Variants in ABHD17A observed in about 807,000 individuals in gnomAD.
The protein encoded by ABHD17A is alpha/beta hydrolase domain-containing protein 17A.
Under a neutral mutation model 26.8 loss-of-function variants are expected in ABHD17A, and 10 were observed. The ratio of observed to expected loss-of-function variants is 0.37; its 90% CI spans 0.23 to 0.63. The LOEUF is 0.63. Among genes scored for constraint, ABHD17A ranks in the 30% least tolerant of loss-of-function variants. The pLI is 0.61. For synonymous variants in ABHD17A, 167 were observed against 210.9 expected, an observed-to-expected ratio of 0.79 and a Z score of 1.80; for missense variants, 292 against 457.3, an observed-to-expected ratio of 0.64 and a Z score of 3.30.
At position 1,881,662 on chromosome 19, in the gene ABHD17A, G is replaced by A. The variant is rs568082265; in HGVS notation, c.-96C>T. 3.9e-5 allele frequency: 54 copies of A among 1,391,462 alleles called. No homozygotes were observed. The highest frequency in any genetic ancestry group is 7.6e-5 in the African/African-American group (5 of 65,366). 86.2% of individuals were successfully genotyped at this position (1,391,462 alleles called of 1,614,324 possible). A position where few individuals can be genotyped will look rare whatever the true frequency, so the allele number is the denominator to read the frequency against. ...GGGAGGGGTGGGGGTGCTCCGAGTC[G>A]CGGGCAGGGGGGAGAGCGCCCCCCC... On this transcript the variant is annotated 5_prime_UTR_variant, in exon 2 of 5. Coordinates refer to ENST00000292577, the MANE Select transcript of ABHD17A (RefSeq NM_001130111.2).
In ABHD17A at chr19:1,876,857, G is replaced by T; in HGVS notation, c.*343C>A. On this transcript the variant is annotated 3_prime_UTR_variant, in exon 5 of 5. Transcript: ENST00000292577. Reference sequence around the variant, plus strand: ...CTTCCGCAGAGTAAAACCTATAAGGGGGTCCGTGCCGATCTCTCCTAGGGA... The same window carrying T: ...CTTCCGCAGAGTAAAACCTATAAGGTGGTCCGTGCCGATCTCTCCTAGGGA... 1 of 333,634 alleles carries T rather than the reference G, an allele frequency of 3.0e-6. No individual in the cohort carries two copies. The highest frequency in any genetic ancestry group is 8.1e-5 in the East Asian group (1 of 12,278). The allele number at this position is 333,634 out of a possible 1,614,324, so 20.7% of individuals were successfully genotyped here. A position where few individuals can be genotyped will look rare whatever the true frequency, so the allele number is the denominator to read the frequency against.
At chr19:1,882,638 T>C (rs776390623) in intron 1 of ABHD17A, 1 of 151,758 alleles carries the variant, frequency 6.6e-6, no homozygotes, top group Non-Finnish European at 1.5e-5. Flanking sequence ...TGATTGAGAG[T>C]GGAAACTCGG....
At chr19:1,881,903 TG>T in intron 1 of ABHD17A, 99 bp from the exon 2 acceptor site, 1 of 276,788 alleles carries the variant, frequency 3.6e-6, no homozygotes, top group Non-Finnish European at 6.7e-6. Context: ...GGGGGCGGCA[TG>T]GGCCCGGGGC....
At position 1,879,020 on chromosome 19, in the gene ABHD17A, G is replaced by A. The variant is rs1233099131; in HGVS notation, c.527+901C>T. 3 of 152,370 alleles carry A rather than the reference G, an allele frequency of 2.0e-5. No homozygotes were observed. Among genetic ancestry groups the A allele is most frequent in the Admixed American group, 1.3e-4 (2 of 15,292 alleles). 9.4% of individuals were successfully genotyped at this position (152,370 alleles called of 1,614,324 possible). ...AGTAGAGACAGGAGGGGCCGAGGAA[G>A]TCGCATGAAGTGGTGATTGGTGTCA... On this transcript the variant is annotated intron_variant, in intron 3 of 4. Transcript: ENST00000292577. This position sits in a 1 kb window ranked among gnomAD's most constrained non-coding sequence, Gnocchi z 7.6.
Position 1,879,964 on chromosome 19 carries a change from G to A in ABHD17A, c.484C>T (p.Leu162Phe), listed in dbSNP as rs1568742396. 1.9e-6 allele frequency: 3 copies of A among 1,612,960 alleles called. No individual in the cohort carries two copies. The highest frequency in any genetic ancestry group is 2.5e-6 in the Non-Finnish European group (3 of 1,179,968). The stretch of plus-strand genomic sequence containing the variant: ...CAGGCGGCGTCGATGTCGGCATAGA[G>A]GTTCCTCTCGGAAGGCCTGCCCGAG... Reference protein sequence around the residue: ...ASSGRPSERNLYADIDAAWQA... With the variant: ...ASSGRPSERNFYADIDAAWQA... The change falls in exon 3 of 5, where the codon CTC (leucine) becomes TTC (phenylalanine). Residue 162 changes from leucine to phenylalanine, a missense_variant. Physicochemically the swap from Leu to Phe is conservative, Grantham distance 22. Transcript: ENST00000292577. The surrounding 1 kb of genome is among the most constrained non-coding windows in gnomAD (Gnocchi z 7.6).
At chr19:1,881,019 G>T (rs749518940) in intron 2 of ABHD17A, 1 of 1,611,248 alleles carries the variant, frequency 6.2e-7, no homozygotes, top group Non-Finnish European at 8.5e-7. Context: ...TGCCAGCTGG[G>T]GATGGCCTCC....
At position 1,881,618 on chromosome 19, in the gene ABHD17A, G is replaced by A. The variant is rs750151578; in HGVS notation, c.-52C>T. 6.0e-5 allele frequency: 87 copies of A among 1,445,394 alleles called. 1 individual carries two copies. Among genetic ancestry groups the A allele is most frequent in the African/African-American group, 8.9e-5 (6 of 67,568 alleles). The allele number at this position is 1,445,394 out of a possible 1,614,324, so 89.5% of individuals were successfully genotyped here. ...CACCGGGGCCCCCGCCAACAACGCC[G>A]CCCGGCCTGGCCCGGCAGGGGAGGG... On this transcript the variant is annotated 5_prime_UTR_variant, in exon 2 of 5. Transcript: ENST00000292577.
In ABHD17A at chr19:1,879,157, C is replaced by G. The variant is rs1376663586; in HGVS notation, c.527+764G>C. ...CACCAAGGCAACGACGACCCCACCT[C>G]CCTAGGGCCTCTGACTTCTCAGAGC... On this transcript the variant is annotated intron_variant, in intron 3 of 4. Coordinates refer to ENST00000292577, the MANE Select transcript of ABHD17A (RefSeq NM_001130111.2). The surrounding 1 kb of genome is among the most constrained non-coding windows in gnomAD (Gnocchi z 7.6). 3 of 152,348 alleles carry G rather than the reference C, an allele frequency of 2.0e-5. No individual in the cohort carries two copies. Among genetic ancestry groups the G allele is most frequent in the Non-Finnish European group, 4.4e-5 (3 of 68,144 alleles). 9.4% of individuals were successfully genotyped at this position (152,348 alleles called of 1,614,324 possible). A position where few individuals can be genotyped will look rare whatever the true frequency, so the allele number is the denominator to read the frequency against.
At chr19:1,881,838 G>A (rs952369848) in intron 1 of ABHD17A, 34 bp from the exon 2 acceptor site, 5 of 419,274 alleles carry the variant, frequency 1.2e-5, no homozygotes, top group African/African-American at 1.1e-4. Context: ...GGGTCCTTTG[G>A]GGGTGCCACA....
In ABHD17A at chr19:1,880,025, G is replaced by A. The variant is rs970508069; in HGVS notation, c.423C>T (p.Asn141=). ...YIGLGSRLHC[N]IFSYDYSGYG... ...AGCCGGAGTAGTCGTAGGAGAAGATGTTGCAGTGGAGGCGGGAGCCCAGGC... is the reference window on the plus strand; with the variant it reads ...AGCCGGAGTAGTCGTAGGAGAAGATATTGCAGTGGAGGCGGGAGCCCAGGC... The change falls in exon 3 of 5, where the codon AAC becomes AAT. Residue 141 remains asparagine (N), a synonymous_variant. Transcript: ENST00000292577. The surrounding 1 kb of genome is among the most constrained non-coding windows in gnomAD (Gnocchi z 4.1). 3.7e-6 allele frequency: 6 copies of A among 1,613,288 alleles called. No homozygotes were observed. Among genetic ancestry groups the A allele is most frequent in the Non-Finnish European group, 5.1e-6 (6 of 1,180,018 alleles).
In ABHD17A at chr19:1,880,180, A is replaced by G. The variant is rs2012484034; in HGVS notation, c.333-65T>C. ...CAGCGCCCAGCTGCAGGGCAGGAGG[A>G]TGCGTAGTGACAGCCCACCCCGGTG... On this transcript the variant is annotated intron_variant, in intron 2 of 4. Coordinates refer to ENST00000292577, the MANE Select transcript of ABHD17A (RefSeq NM_001130111.2). The surrounding 1 kb of genome is among the most constrained non-coding windows in gnomAD (Gnocchi z 4.1). 3 of 1,570,114 alleles carry G rather than the reference A, an allele frequency of 1.9e-6. No homozygotes were observed. In the East Asian group the frequency reaches 6.8e-5, roughly 36 times the overall value.
At chr19:1,881,166 G>A in intron 2 of ABHD17A, 69 bp downstream of exon 2, 1 of 1,590,078 alleles carries the variant, frequency 6.3e-7, no homozygotes, top group East Asian at 2.3e-5. Context: ...ACCACACCAA[G>A]CACCGCAGGC....
rs550014847 is a variant in ABHD17A at position 1,876,941 on chromosome 19, A to T, written c.*259T>A. The T allele has an allele frequency of 3.9e-6, 2 of 510,862 alleles. No homozygotes were observed. The highest frequency in any genetic ancestry group is 3.9e-5 in the African/African-American group (2 of 50,672). The allele number at this position is 510,862 out of a possible 1,614,324, so 31.6% of individuals were successfully genotyped here. On this transcript the variant is annotated 3_prime_UTR_variant, in exon 5 of 5. Transcript: ENST00000292577. Reference sequence around the variant, plus strand: ...TTCGAGCTCGCTGAGCGCTCGAGAGAGTGAGCAGAGCCATGAAAGGAAGGA... The same window carrying T: ...TTCGAGCTCGCTGAGCGCTCGAGAGTGTGAGCAGAGCCATGAAAGGAAGGA...
In ABHD17A at chr19:1,880,696, C is replaced by T. The variant is rs1003857485; in HGVS notation, c.332+539G>A. On this transcript the variant is annotated intron_variant, in intron 2 of 4. Coordinates refer to ENST00000292577, the MANE Select transcript of ABHD17A (RefSeq NM_001130111.2). This position sits in a 1 kb window ranked among gnomAD's most constrained non-coding sequence, Gnocchi z 4.1. Reference sequence around the variant, plus strand: ...CACACTCATGCAGCCCCTCCTGGCCCACCACCCTGCCCAAGCCCCAAGGCT... The same window carrying T: ...CACACTCATGCAGCCCCTCCTGGCCTACCACCCTGCCCAAGCCCCAAGGCT... Among the ~76,000 whole-genome samples, 3 of 152,202 alleles carry T rather than the reference C, an allele frequency of 2.0e-5. No individual in the cohort carries two copies. The highest frequency in any genetic ancestry group is 4.4e-5 in the Non-Finnish European group (3 of 68,040).
rs528336775 is a variant in ABHD17A at position 1,884,188 on chromosome 19, T to C, written c.-239+1164A>G. 2.5e-3 allele frequency among the ~76,000 whole-genome samples: 379 copies of C among 152,190 alleles called. 1 individual carries two copies. The highest frequency in any genetic ancestry group is 8.8e-3 in the African/African-American group (364 of 41,506). On this transcript the variant is annotated intron_variant, in intron 1 of 4. Transcript: ENST00000292577. ...CCCCACCTCCAAACCAGAAACTCTA[T>C]GAGAGCAGGACCATGACCTGCCACT...
rs2012505992 is a variant in ABHD17A at position 1,880,949 on chromosome 19, C to G, written c.332+286G>C. 1 of 1,613,056 alleles carries G rather than the reference C, an allele frequency of 6.2e-7. No homozygotes were observed. Among genetic ancestry groups the G allele is most frequent in the Non-Finnish European group, 8.5e-7 (1 of 1,179,912 alleles). On this transcript the variant is annotated intron_variant, in intron 2 of 4. Coordinates refer to ENST00000292577, the MANE Select transcript of ABHD17A (RefSeq NM_001130111.2). This position sits in a 1 kb window ranked among gnomAD's most constrained non-coding sequence, Gnocchi z 4.1. ...CCAGGGCAGCCCCTGTGCCCCAGCT[C>G]TTGCCCAGCAGGCAACCACCAGGCG... is the stretch of plus-strand genomic sequence containing the variant.
chr19:1,884,234 G>A (rs1271542096), intron 1 of ABHD17A, among the ~76,000 whole-genome samples: 1 of 152,174 alleles, frequency 6.6e-6, no homozygotes, highest in East Asian at 1.9e-4. Context: ...ATGGGCAGGT[G>A]GTAGGCAGCA....
At position 1,880,830 on chromosome 19, in the gene ABHD17A, C is replaced by G; in HGVS notation, c.332+405G>C. Reference sequence around the variant, plus strand: ...GACTGCTTCCTCCAGTTCCCCCAGGCCCCCACCTAGCCCAGCCAGAAGGTA... The same window carrying G: ...GACTGCTTCCTCCAGTTCCCCCAGGGCCCCACCTAGCCCAGCCAGAAGGTA... On this transcript the variant is annotated intron_variant, in intron 2 of 4. Transcript: ENST00000292577. This position sits in a 1 kb window ranked among gnomAD's most constrained non-coding sequence, Gnocchi z 4.1. 6.3e-7 allele frequency: 1 copy of G among 1,594,026 alleles called. No homozygotes were observed. The highest frequency in any genetic ancestry group is 2.2e-5 in the East Asian group (1 of 44,572).
At chr19:1,878,838 G>A (rs1050906368) in intron 3 of ABHD17A, 6 of 152,428 alleles carry the variant, frequency 3.9e-5, no homozygotes, top group Non-Finnish European at 8.8e-5. Flanking sequence ...CAAACGAACA[G>A]GACACATCCC....
Sources: gnomAD v4.1 joint callset for allele counts (sites outside exome capture counted in the v4.1 genomes callset) on GRCh38, gnomAD v4.1.1 for gene constraint, Gnocchi (gnomAD v3.1) non-coding constraint, MANE v1.5 for transcripts, NCBI Gene and HGNC (gene_info 2026-07-23, HGNC 2026-07-21) for gene names.